ZNF385D: variants seen among roughly 807,000 people sequenced by gnomAD.
ZNF385D encodes zinc finger protein 659.
ZNF385D carries 15 observed loss-of-function variants against 35.8 expected under a neutral mutation model. The ratio of observed to expected loss-of-function variants is 0.42; its 90% CI spans 0.28 to 0.64. The LOEUF is 0.64. ZNF385D is among the 30% of genes least tolerant of loss of function. The pLI is 0.23. For synonymous variants in ZNF385D, 212 were observed against 186.8 expected, an observed-to-expected ratio of 1.13 and a Z score of -1.10; for missense variants, 474 against 494.6, an observed-to-expected ratio of 0.96 and a Z score of 0.39.
At chr3:22,037,205 A>G (rs202043987) in intron 3 of ZNF385D, among the ~76,000 whole-genome samples, 14,420 of 149,826 alleles carry the variant, frequency 0.096, 806 homozygotes, top group East Asian at 0.15. Context: ...AGCATGTTTT[A>G]TAATCCTTTG....
At chr3:21,716,767 G>T (rs971732384) in intron 1 of ZNF385D, among the ~76,000 whole-genome samples, 8 of 151,982 alleles carry the variant, frequency 5.3e-5, no homozygotes, top group Non-Finnish European at 8.8e-5. Flanking sequence ...GTTCTATCAG[G>T]TTAGAATTTT....
At chr3:21,934,266 T>C (rs1003768525) in intron 3 of ZNF385D, among the ~76,000 whole-genome samples, 1 of 152,178 alleles carries the variant, frequency 6.6e-6, no homozygotes, top group Non-Finnish European at 1.5e-5. Flanking sequence ...GATGGGAAGA[T>C]ATTTAGAGTG....
intron 3 of ZNF385D, among the ~76,000 whole-genome samples, chr3:21,981,694 C>G (rs4362740): frequency 0.82 from 125,280 of 152,130 alleles, 52,487 homozygotes; most frequent in African/African-American, 0.95. Context: ...TTACAGTTTT[C>G]GGTTTTACAT....
At chr3:22,333,201 G>GGCTGCTTTCAATA in intron 2 of ZNF385D, among the ~76,000 whole-genome samples, 1 of 152,130 alleles carries the variant, frequency 6.6e-6, no homozygotes, top group African/African-American at 2.4e-5. Context: ...CCCTTTATAA[G>GGCTGCTTTCAATA]TTTTTCTCAG....
chr3:22,128,371 TTTGGGTTAAATCTTC>T (rs1468281339), intron 3 of ZNF385D, among the ~76,000 whole-genome samples: 2 of 152,288 alleles, frequency 1.3e-5, no homozygotes, highest in East Asian at 3.9e-4. Context: ...GGTACTCTTA[TTTGGGTTAAATCTTC>T]TTGGTGTTTT....
intron 3 of ZNF385D, among the ~76,000 whole-genome samples, chr3:22,000,239 A>G (rs560009474): frequency 3.0e-4 from 45 of 152,030 alleles, no homozygotes; most frequent in African/African-American, 1.1e-3. Flanking sequence ...CAGGAGGTGG[A>G]GCTTGCAGTG....
intron 2 of ZNF385D, among the ~76,000 whole-genome samples, chr3:21,568,430 A>G (rs1161167860): frequency 2.0e-5 from 3 of 152,210 alleles, no homozygotes; most frequent in African/African-American, 7.2e-5. Flanking sequence ...AAAGTCATGT[A>G]TATTGTTTTT....
intron 3 of ZNF385D, among the ~76,000 whole-genome samples, chr3:21,995,720 C>T (rs1238584829): frequency 2.0e-5 from 3 of 151,838 alleles, no homozygotes; most frequent in African/African-American, 7.2e-5. Context: ...TTGTCCTCAG[C>T]CCCCAGAATG....
intron 2 of ZNF385D, among the ~76,000 whole-genome samples, chr3:22,316,651 C>G (rs1381727822): frequency 1.3e-5 from 2 of 152,080 alleles, no homozygotes; most frequent in African/African-American, 4.8e-5. Context: ...TTCAGATTCC[C>G]CAAAACTCAG....
chr3:21,840,430 T>C lies in ZNF385D; in HGVS notation c.326-175402A>G, dbSNP rs149649591. Among the ~76,000 whole-genome samples the C allele has an allele frequency of 9.8e-4, 149 of 152,232 alleles. 3 individuals carry two copies. The South Asian group carries it at 0.013, about 13-fold the overall frequency. ...TAAAGATAGCATGCTTCCTATTCCC[T>C]GATATCTTCATATCGACATTGCACT... On this transcript the variant is annotated intron_variant, in intron 3 of 5. Transcript: ENST00000494108.
At chr3:22,193,120 TTTAA>T (rs1474850847) in intron 2 of ZNF385D, among the ~76,000 whole-genome samples, 2 of 152,194 alleles carry the variant, frequency 1.3e-5, no homozygotes, top group Non-Finnish European at 2.9e-5. Flanking sequence ...CAAATTAAAT[TTTAA>T]TTGTTTGAAA....
chr3:21,666,727 C>A (rs1035627736), intron 1 of ZNF385D, among the ~76,000 whole-genome samples: 4 of 152,110 alleles, frequency 2.6e-5, no homozygotes, highest in Non-Finnish European at 5.9e-5. Context: ...AAAAGTTTCT[C>A]TTTTATTAAA....
intron 4 of ZNF385D, among the ~76,000 whole-genome samples, chr3:21,481,574 G>A (rs981570123): frequency 6.6e-6 from 1 of 152,112 alleles, no homozygotes; most frequent in African/African-American, 2.4e-5. Context: ...CTGTCATCCA[G>A]GCTGGAGTGC....
At chr3:22,004,407 C>G (rs1199234006) in intron 3 of ZNF385D, among the ~76,000 whole-genome samples, 1 of 152,004 alleles carries the variant, frequency 6.6e-6, no homozygotes, top group Non-Finnish European at 1.5e-5. Flanking sequence ...AAAGCACAAG[C>G]AACAAAAACA....
intron 2 of ZNF385D, among the ~76,000 whole-genome samples, chr3:22,187,043 G>A (rs1695681057): frequency 6.6e-6 from 1 of 152,090 alleles, no homozygotes; most frequent in South Asian, 2.1e-4. Flanking sequence ...TCAGGCACTG[G>A]CTTTAGACTC....
At chr3:22,023,260 G>A (rs1697332450) in intron 3 of ZNF385D, among the ~76,000 whole-genome samples, 1 of 152,062 alleles carries the variant, frequency 6.6e-6, no homozygotes, top group African/African-American at 2.4e-5. Flanking sequence ...ACTGAGTCTG[G>A]GCAGGAATCA....
intron 2 of ZNF385D, among the ~76,000 whole-genome samples, chr3:22,224,176 A>G (rs529178124): frequency 5.9e-5 from 9 of 152,336 alleles, no homozygotes; most frequent in East Asian, 3.9e-4. Context: ...ATAATAAAAT[A>G]TAAGTATAAA....
chr3:21,638,195 A>T lies in ZNF385D; in HGVS notation c.165+26691T>A, dbSNP rs187788969. 6.4e-4 allele frequency among the ~76,000 whole-genome samples: 98 copies of T among 152,238 alleles called. 1 individual carries two copies. The highest frequency in any genetic ancestry group is 1.9e-3 in the South Asian group (9 of 4,832). On this transcript the variant is annotated intron_variant, in intron 2 of 7. Transcript: ENST00000281523. ...ATACAAATAACTCACAAAAATTAGT[A>T]TGCAATATACAGTTGAGACAGAATT...
intron 3 of ZNF385D, among the ~76,000 whole-genome samples, chr3:21,556,277 T>C (rs768195949): frequency 6.6e-6 from 1 of 152,136 alleles, no homozygotes; most frequent in African/African-American, 2.4e-5. Flanking sequence ...TTTTAGTGTT[T>C]TAGTCATGAA....
Sources: allele counts gnomAD v4.1 joint callset (sites outside exome capture counted in the v4.1 genomes callset), GRCh38; gene constraint gnomAD v4.1.1; transcripts MANE v1.5; gene names NCBI Gene and HGNC (gene_info 2026-07-23, HGNC 2026-07-21).